STX7: variants seen among roughly 807,000 people sequenced by gnomAD.
The protein encoded by STX7 is syntaxin-7.
STX7 carries 34 observed loss-of-function variants against 39.6 expected under a neutral mutation model. The observed-to-expected ratio is 0.86, with a 90% CI of 0.65 to 1.14. The LOEUF (loss-of-function observed/expected upper bound fraction) is 1.14. Among genes scored for constraint, STX7 ranks in the 50% most tolerant of loss-of-function variants. The pLI, the probability that STX7 is intolerant of heterozygous loss-of-function variation, is 0.00. For synonymous variants in STX7, 119 were observed against 99.1 expected (o/e 1.20, Z -1.19); for missense variants, 284 against 310.4 (o/e 0.92, Z 0.64).
chr6:132,468,335 G>A, intron 8 of STX7, 68 bp downstream of exon 8: 1 of 1,238,898 alleles, frequency 8.1e-7, no homozygotes, highest in African/African-American at 1.5e-5. Flanking sequence ...TCTTCTGTGA[G>A]AAAGTTACAG....
chr6:132,488,380 A>G (rs1451921964), intron 2 of STX7, among the ~76,000 whole-genome samples: 1 of 152,238 alleles, frequency 6.6e-6, no homozygotes, highest in African/African-American at 2.4e-5. Flanking sequence ...AGACTGTTCT[A>G]TAAGTGGCTG....
chr6:132,485,114 G>A (rs1775100961), intron 2 of STX7, among the ~76,000 whole-genome samples: 1 of 152,132 alleles, frequency 6.6e-6, no homozygotes, highest in Non-Finnish European at 1.5e-5. Flanking sequence ...TCACACTTAA[G>A]ACAGTTATTA....
At chr6:132,491,988 T>G (rs1253404945) in intron 2 of STX7, among the ~76,000 whole-genome samples, 1 of 152,158 alleles carries the variant, frequency 6.6e-6, no homozygotes, top group Non-Finnish European at 1.5e-5. Flanking sequence ...AAATCTAAAA[T>G]TCTGGTTGAG....
intron 2 of STX7, among the ~76,000 whole-genome samples, chr6:132,480,206 T>C (rs893088432): frequency 1.3e-5 from 2 of 152,110 alleles, no homozygotes; most frequent in East Asian, 1.9e-4. Flanking sequence ...CCAAGGACAA[T>C]GGGATTCACT....
chr6:132,474,627 T>C (rs1268831650), intron 3 of STX7, among the ~76,000 whole-genome samples: 1 of 152,164 alleles, frequency 6.6e-6, no homozygotes, highest in Non-Finnish European at 1.5e-5. Context: ...AGAGTTAAGT[T>C]CTAAATGACA....
intron 1 of STX7, among the ~76,000 whole-genome samples, chr6:132,505,760 A>AC (rs1775689095): frequency 6.9e-6 from 1 of 144,988 alleles, no homozygotes; most frequent in Non-Finnish European, 1.5e-5. Flanking sequence ...AAAAAAAAAA[A>AC]AAAACACAGG....
rs1219821133 is a variant in STX7, at chr6:132,509,502, CATAACATAACATAAA to C, written c.-59+3490_-59+3504del. Among the ~76,000 whole-genome samples the C allele has an allele frequency of 6.0e-4, 78 of 130,308 alleles. 4 individuals carry two copies. Among genetic ancestry groups the C allele is most frequent in the Non-Finnish European group, 9.3e-4 (59 of 63,126 alleles). The allele number at this position is 130,308 out of a possible 152,430, so 85.5% of individuals were successfully genotyped here. A position where few individuals can be genotyped will look rare whatever the true frequency, so the allele number is the denominator to read the frequency against. On this transcript the variant is annotated intron_variant, in intron 1 of 9. Transcript: ENST00000367941. ...CATAACATAACATAACATAACATAA[CATAACATAACATAAA>C]ATAAAAAAAGACAAAAGAAAAACCA... is the stretch of plus-strand genomic sequence containing the variant.
chr6:132,469,555 G>A (rs1774657355), intron 7 of STX7, among the ~76,000 whole-genome samples: 2 of 151,966 alleles, frequency 1.3e-5, no homozygotes, highest in East Asian at 3.9e-4. Flanking sequence ...TTCTTTCTCT[G>A]GGCCAGACAT....
intron 2 of STX7, among the ~76,000 whole-genome samples, chr6:132,494,705 C>T (rs1000359589): frequency 5.9e-5 from 9 of 152,078 alleles, no homozygotes; most frequent in African/African-American, 2.2e-4. Context: ...TGGTAGTTGA[C>T]AAGTGGGGGC....
At position 132,454,473 on chromosome 6, in the gene STX7, G is replaced by A. The variant is rs1042017145; in HGVS notation, c.*6285C>T. 4 of 152,114 alleles carry A rather than the reference G, an allele frequency of 2.6e-5. No individual in the cohort carries two copies. The highest frequency in any genetic ancestry group is 9.7e-5 in the African/African-American group (4 of 41,416). 9.4% of individuals were successfully genotyped at this position (152,114 alleles called of 1,614,324 possible). A position where few individuals can be genotyped will look rare whatever the true frequency, so the allele number is the denominator to read the frequency against. On this transcript the variant is annotated 3_prime_UTR_variant, in exon 10 of 10. Transcript: ENST00000367941. The stretch of plus-strand genomic sequence containing the variant: ...AACAAAGTGAAAGGTACACGAAAGA[G>A]GTCTCTGTATTATTTCTTACAACAG...
In STX7 at chr6:132,459,999, T is replaced by C. The variant is rs1774348078; in HGVS notation, c.*759A>G. Reference sequence around the variant, plus strand: ...TGGGGTCTTAAGAATCCAAACGCAATAGGTATTGGTATTGGTTGTTCATAC... The same window carrying C: ...TGGGGTCTTAAGAATCCAAACGCAACAGGTATTGGTATTGGTTGTTCATAC... On this transcript the variant is annotated 3_prime_UTR_variant, in exon 10 of 10. Transcript: ENST00000367941. 3.3e-5 allele frequency: 5 copies of C among 152,112 alleles called. No individual in the cohort carries two copies. 9.4% of individuals were successfully genotyped at this position (152,112 alleles called of 1,614,324 possible).
chr6:132,495,207 G>A (rs565799251), intron 2 of STX7, among the ~76,000 whole-genome samples: 43 of 152,174 alleles, frequency 2.8e-4, no homozygotes, highest in Admixed American at 2.2e-3. Context: ...ACTCATATCC[G>A]GCCATAAACA....
At chr6:132,498,620 A>T (rs1775476311) in intron 2 of STX7, among the ~76,000 whole-genome samples, 1 of 152,224 alleles carries the variant, frequency 6.6e-6, no homozygotes, top group Non-Finnish European at 1.5e-5. Context: ...AGATAATTGT[A>T]CTGACACAAT....
rs975586477 is a variant in STX7, at chr6:132,460,842, G to C, written c.702C>G (p.Ser234=). The change falls in exon 10 of 10, where the codon TCC becomes TCG. Residue 234 remains serine (S), a synonymous_variant. Coordinates refer to ENST00000367941, the MANE Select transcript of STX7 (RefSeq NM_003569.3). ...LSRAADYQRK[S]RKTLCIIILI... is the part of the protein sequence containing the mutation. ...GAATGATGATGCACAGGGTTTTTCT[G>C]GATTTGCGCTGCAGACGCAAAAAAC... The C allele has an allele frequency of 1.9e-6, 3 of 1,612,620 alleles. No individual in the cohort carries two copies. Among genetic ancestry groups the C allele is most frequent in the Non-Finnish European group, 2.5e-6 (3 of 1,179,540 alleles).
intron 2 of STX7, among the ~76,000 whole-genome samples, chr6:132,479,554 A>G (rs1345406850): frequency 6.6e-6 from 1 of 152,116 alleles, no homozygotes; most frequent in Non-Finnish European, 1.5e-5. Context: ...GCCTTTCTAC[A>G]TTTTGCTCTA....
intron 3 of STX7, among the ~76,000 whole-genome samples, chr6:132,473,285 T>C (rs2114383911): frequency 6.6e-6 from 1 of 152,288 alleles, no homozygotes; most frequent in East Asian, 1.9e-4. Context: ...AAGAAGTAAA[T>C]TATAGTCATC....
intron 7 of STX7, among the ~76,000 whole-genome samples, chr6:132,469,140 AT>A (rs1405226136): frequency 6.6e-6 from 1 of 152,246 alleles, no homozygotes; most frequent in African/African-American, 2.4e-5. Context: ...AATTGTAGCC[AT>A]TGTTAGCTAT....
rs930563510 is a variant in STX7 at position 132,447,280 on chromosome 6, G to A, written c.*13478C>T. The stretch of plus-strand genomic sequence containing the variant: ...ATCAGTCAACAAAACTATTTCCAGA[G>A]AGGCTTGAAATAAAACAGTTGACTT... On this transcript the variant is annotated 3_prime_UTR_variant, in exon 10 of 10. Coordinates refer to ENST00000367941, the MANE Select transcript of STX7 (RefSeq NM_003569.3). 2 of 152,186 alleles carry A rather than the reference G, an allele frequency of 1.3e-5. No homozygotes were observed. Among genetic ancestry groups the A allele is most frequent in the East Asian group, 1.9e-4 (1 of 5,202 alleles). 9.4% of individuals were successfully genotyped at this position (152,186 alleles called of 1,614,324 possible).
chr6:132,509,452 A>AATAACATAACATAACATAAC (rs199798662), intron 1 of STX7, among the ~76,000 whole-genome samples: 1 of 9,950 alleles, frequency 1.0e-4, no homozygotes, highest in Admixed American at 8.9e-4. Flanking sequence ...CTCGTCTCAA[A>AATAACATAACATAACATAAC]ATAACATAAC....
Sources: gnomAD v4.1 joint callset for allele counts (sites outside exome capture counted in the v4.1 genomes callset) on GRCh38, gnomAD v4.1.1 for gene constraint, MANE v1.5 for transcripts, NCBI Gene and HGNC (gene_info 2026-07-23, HGNC 2026-07-21) for gene names.